The following FSIP1 variants were observed in gnomAD, a reference collection of about 807,000 sequenced individuals.
The protein encoded by FSIP1 is fibrous sheath-interacting protein 1.
A neutral mutation model predicts 60.9 loss-of-function variants in FSIP1; 65 were observed. The observed-to-expected ratio is 1.07, with a 90% CI of 0.87 to 1.31. The LOEUF is 1.31. FSIP1 is among the 40% of genes most tolerant of loss of function. The pLI is 0.00. For missense variants in FSIP1, 675 were observed against 665.5 expected (o/e 1.01, Z -0.16); for synonymous variants, 209 against 221.2 (o/e 0.94, Z 0.49).
intron 11 of FSIP1, among the ~76,000 whole-genome samples, chr15:39,614,897 C>T (rs192481375): frequency 2.6e-5 from 4 of 152,222 alleles, no homozygotes; most frequent in East Asian, 3.9e-4. Flanking sequence ...CAAAGTATAA[C>T]ACAATTATAA....
chr15:39,689,724 T>C (rs1306081797), intron 10 of FSIP1, among the ~76,000 whole-genome samples: 1 of 152,216 alleles, frequency 6.6e-6, no homozygotes, highest in Non-Finnish European at 1.5e-5. Context: ...TCACACATAC[T>C]TAATCAAATT....
At chr15:39,761,257 G>A (rs537776161) in intron 5 of FSIP1, among the ~76,000 whole-genome samples, 2 of 152,296 alleles carry the variant, frequency 1.3e-5, no homozygotes, top group South Asian at 2.1e-4. Context: ...GTTTGTCAAC[G>A]AGATGTCTGC....
At chr15:39,694,484 C>T (rs1032196385) in intron 10 of FSIP1, among the ~76,000 whole-genome samples, 1 of 152,074 alleles carries the variant, frequency 6.6e-6, no homozygotes, top group Non-Finnish European at 1.5e-5. Context: ...TACATATTTA[C>T]GTGCAAAGTT....
intron 10 of FSIP1, among the ~76,000 whole-genome samples, chr15:39,664,281 C>A (rs1893411483): frequency 6.6e-6 from 1 of 152,052 alleles, no homozygotes; most frequent in East Asian, 1.9e-4. Context: ...TTGCAAAATT[C>A]TTTATGCTTG....
intron 8 of FSIP1, among the ~76,000 whole-genome samples, chr15:39,728,113 A>G (rs554779563): frequency 6.6e-6 from 1 of 152,322 alleles, no homozygotes; most frequent in African/African-American, 2.4e-5. Context: ...AGAATTAAAA[A>G]GCACTGCTCA....
At chr15:39,630,220 G>A (rs1417913307) in intron 10 of FSIP1, among the ~76,000 whole-genome samples, 1 of 152,186 alleles carries the variant, frequency 6.6e-6, no homozygotes, top group Admixed American at 6.5e-5. Context: ...TCATGCTACT[G>A]CTGAGAATAA....
intron 10 of FSIP1, among the ~76,000 whole-genome samples, chr15:39,644,815 G>A (rs985684460): frequency 1.3e-5 from 2 of 152,114 alleles, no homozygotes; most frequent in Non-Finnish European, 2.9e-5. Context: ...TTCCAAGGCC[G>A]GCTGCCATCA....
chr15:39,726,789 T>C (rs771711689), intron 8 of FSIP1, 42 bp from the exon 9 acceptor site: 2 of 1,591,900 alleles, frequency 1.3e-6, no homozygotes, highest in East Asian at 2.2e-5. Flanking sequence ...TCAGGCTATA[T>C]TTTTGCCAAA....
At chr15:39,631,039 C>A (rs1891862959) in intron 10 of FSIP1, among the ~76,000 whole-genome samples, 1 of 152,242 alleles carries the variant, frequency 6.6e-6, no homozygotes, top group Non-Finnish European at 1.5e-5. Flanking sequence ...ACTTTCCCTG[C>A]TGGATGTAAG....
intron 5 of FSIP1, among the ~76,000 whole-genome samples, chr15:39,749,800 G>A (rs1566912951): frequency 6.6e-6 from 1 of 151,882 alleles, no homozygotes; most frequent in Non-Finnish European, 1.5e-5. Flanking sequence ...AGTACTGGAA[G>A]GACCAGCAAG....
chr15:39,684,975 G>T (rs113754613), intron 10 of FSIP1, among the ~76,000 whole-genome samples: 113 of 152,272 alleles, frequency 7.4e-4, no homozygotes, highest in African/African-American at 2.7e-3. Context: ...ATCTGGCTCC[G>T]TACTTGCCTC....
At chr15:39,614,883 A>C (rs1035886451) in intron 11 of FSIP1, among the ~76,000 whole-genome samples, 15 of 152,200 alleles carry the variant, frequency 9.9e-5, no homozygotes, top group African/African-American at 3.6e-4. Flanking sequence ...ACACTCCTTG[A>C]TTTCAAAGTA....
intron 10 of FSIP1, among the ~76,000 whole-genome samples, chr15:39,681,005 T>C (rs758588731): frequency 6.6e-6 from 1 of 152,158 alleles, no homozygotes; most frequent in Non-Finnish European, 1.5e-5. Context: ...CACAGCCACA[T>C]ACACAATAAA....
At chr15:39,648,127 C>A (rs369316025) in intron 10 of FSIP1, among the ~76,000 whole-genome samples, 5 of 144,414 alleles carry the variant, frequency 3.5e-5, no homozygotes, top group African/African-American at 7.8e-5. Flanking sequence ...ATGTAACTAA[C>A]CTGCACAATG....
At chr15:39,754,031 T>C (rs1339061616) in intron 5 of FSIP1, among the ~76,000 whole-genome samples, 1 of 152,150 alleles carries the variant, frequency 6.6e-6, no homozygotes, top group Non-Finnish European at 1.5e-5. Flanking sequence ...ACCATGTTCC[T>C]GTTGATGCAG....
At chr15:39,680,631 G>T (rs1894123859) in intron 10 of FSIP1, among the ~76,000 whole-genome samples, 1 of 152,130 alleles carries the variant, frequency 6.6e-6, no homozygotes, top group Admixed American at 6.5e-5. Context: ...AAGGAGCCTG[G>T]GTCCTTGGTA....
At chr15:39,634,003 C>A (rs1156402870) in intron 10 of FSIP1, among the ~76,000 whole-genome samples, 1 of 152,224 alleles carries the variant, frequency 6.6e-6, no homozygotes, top group Non-Finnish European at 1.5e-5. Flanking sequence ...TCTACCAGCA[C>A]CTGTACCCAG....
At chr15:39,679,977 TACA>T (rs1327666157) in intron 10 of FSIP1, among the ~76,000 whole-genome samples, 2 of 152,184 alleles carry the variant, frequency 1.3e-5, no homozygotes, top group African/African-American at 4.8e-5. Flanking sequence ...CTGAAGTCTA[TACA>T]ACATTAATCT....
At chr15:39,614,721 CA>C (rs1891163010) in intron 11 of FSIP1, among the ~76,000 whole-genome samples, 1 of 151,562 alleles carries the variant, frequency 6.6e-6, no homozygotes, top group Non-Finnish European at 1.5e-5. Context: ...TCACACTATC[CA>C]AAGTCATCTA....
Sources: allele counts gnomAD v4.1 joint callset (sites outside exome capture counted in the v4.1 genomes callset), GRCh38; gene constraint gnomAD v4.1.1; transcripts MANE v1.5; gene names NCBI Gene and HGNC (gene_info 2026-07-23, HGNC 2026-07-21).